Variants in COL27A1 observed in about 807,000 individuals in gnomAD.
COL27A1 encodes collagen alpha-1(XXVII) chain.
COL27A1 carries 106 observed loss-of-function variants against 251.3 expected under a neutral mutation model. The observed-to-expected ratio is 0.42, with a 90% confidence interval of 0.36 to 0.50. The LOEUF (loss-of-function observed/expected upper bound fraction) is 0.50. COL27A1 is among the 20% of genes least tolerant of loss of function. COL27A1 has a pLI of 0.00. For missense variants in COL27A1, 2,325 were observed against 2,522.8 expected, an observed-to-expected ratio of 0.92 and a Z score of 1.68; for synonymous variants, 1,000 against 986.3, an observed-to-expected ratio of 1.01 and a Z score of -0.26.
chr9:114,264,499 C>T (rs966314423), intron 29 of COL27A1, 91 bp downstream of exon 29: 1 of 1,056,556 alleles, frequency 9.5e-7, no homozygotes, highest in African/African-American at 1.6e-5. Flanking sequence ...AACAATGCCC[C>T]TTAGGGACAA....
intron 3 of COL27A1, among the ~76,000 whole-genome samples, chr9:114,169,956 C>T (rs1297021854): frequency 6.6e-6 from 1 of 152,224 alleles, no homozygotes; most frequent in East Asian, 1.9e-4. Flanking sequence ...TTGGCACGTG[C>T]AGTGTTCTTT....
At chr9:114,221,458 C>T (rs1160349082) in intron 13 of COL27A1, among the ~76,000 whole-genome samples, 1 of 152,100 alleles carries the variant, frequency 6.6e-6, no homozygotes, top group Non-Finnish European at 1.5e-5. Flanking sequence ...TCCATTTCTT[C>T]CTCTCATTTG....
chr9:114,162,701 C>T lies in COL27A1; in HGVS notation c.63-14C>T, dbSNP rs767602032. 1 of 1,607,950 alleles carries T rather than the reference C, an allele frequency of 6.2e-7. No homozygotes were observed. Reference sequence around the variant, plus strand: ...AAGCTGATGCCGCCTCTGCTTGTGTCTCCTGGTCTCTAGGGGGTTTCTCTT... The same window carrying T: ...AAGCTGATGCCGCCTCTGCTTGTGTTTCCTGGTCTCTAGGGGGTTTCTCTT... On this transcript the variant is annotated splice_polypyrimidine_tract_variant and intron_variant, in intron 1 of 60. Coordinates refer to ENST00000356083, the MANE Select transcript of COL27A1 (RefSeq NM_032888.4).
intron 27 of COL27A1, among the ~76,000 whole-genome samples, chr9:114,255,758 T>C (rs1833874751): frequency 6.6e-6 from 1 of 152,162 alleles, no homozygotes; most frequent in African/African-American, 2.4e-5. Context: ...CTTGGATCTC[T>C]TGGGGTTCCT....
At chr9:114,251,821 C>G (rs1324705710) in intron 25 of COL27A1, among the ~76,000 whole-genome samples, 1 of 152,262 alleles carries the variant, frequency 6.6e-6, no homozygotes, top group Non-Finnish European at 1.5e-5. Context: ...GGCTCTGCCC[C>G]CAAGTGGGTC....
chr9:114,307,844 C>A (rs1588908138), intron 59 of COL27A1, 66 bp downstream of exon 59: 1 of 1,156,000 alleles, frequency 8.7e-7, no homozygotes, highest in Non-Finnish European at 1.3e-6. Context: ...CCCTGGGCCA[C>A]AACCAACCCA....
At chr9:114,300,229 GGAAAA>G in intron 50 of COL27A1, 106 bp downstream of exon 50, 2 of 1,213,894 alleles carry the variant, frequency 1.6e-6, no homozygotes, top group Non-Finnish European at 2.4e-6. Context: ...AACATTGGCT[GGAAAA>G]CAGCCAGAAT....
rs1829476737 is a variant in COL27A1, at chr9:114,311,965, A to G, written c.*1270A>G. ...TTAAATTCTGTAGAAACCCATTGTC[A>G]TTAGCTCCAAGTGTAAATTTGGGTC... On this transcript the variant is annotated 3_prime_UTR_variant, in exon 61 of 61. Transcript: ENST00000356083. The G allele has an allele frequency of 6.6e-6, 1 of 152,208 alleles. No individual in the cohort carries two copies. The highest frequency in any genetic ancestry group is 2.4e-5 in the African/African-American group (1 of 41,438). 9.4% of individuals were successfully genotyped at this position (152,208 alleles called of 1,614,324 possible). A position where few individuals can be genotyped will look rare whatever the true frequency, so the allele number is the denominator to read the frequency against.
chr9:114,211,165 C>G (rs1246985311), intron 12 of COL27A1, 139 bp downstream of exon 12: 30 of 896,252 alleles, frequency 3.3e-5, no homozygotes, highest in Non-Finnish European at 5.2e-5. Flanking sequence ...GTGGGGTTGT[C>G]TGGCCACAGG....
intron 12 of COL27A1, among the ~76,000 whole-genome samples, chr9:114,216,089 G>A (rs768864990): frequency 1.2e-4 from 19 of 152,208 alleles, no homozygotes; most frequent in South Asian, 2.1e-4. Context: ...GGCGAGGACC[G>A]TCCCTGTCCT....
Position 114,288,712 on chromosome 9 carries a change from G to A in COL27A1, c.4055G>A (p.Gly1352Asp). The change falls in exon 43 of 61, where the codon GGT (glycine) becomes GAT (aspartate). Residue 1352 changes from glycine to aspartate, a missense_variant. Gly to Asp is a moderately conservative substitution (Grantham distance 94, BLOSUM62 -1). Coordinates refer to ENST00000356083, the MANE Select transcript of COL27A1 (RefSeq NM_032888.4). ...PGPPGDRGPV[G>D]DRGDRGEPGD... is the part of the protein sequence containing the mutation. ...GTCTTTGTCATTCAGGGCCCTGTGG[G>A]TGATCGAGGAGACCGCGGGGAACCG... 6.2e-7 allele frequency: 1 copy of A among 1,610,660 alleles called. No individual in the cohort carries two copies. The highest frequency in any genetic ancestry group is 8.5e-7 in the Non-Finnish European group (1 of 1,177,350).
chr9:114,285,620 G>A (rs1240119286), intron 41 of COL27A1, among the ~76,000 whole-genome samples: 5 of 152,128 alleles, frequency 3.3e-5, no homozygotes, highest in South Asian at 2.1e-4. Flanking sequence ...CTGGCCCGGC[G>A]TGCTGCCCAG....
intron 1 of COL27A1, 121 bp downstream of exon 1, chr9:114,156,133 C>A (rs1848106811): frequency 2.4e-6 from 3 of 1,260,472 alleles, no homozygotes; most frequent in Admixed American, 3.2e-5. Flanking sequence ...CCCCTTCCTG[C>A]GCCCCCGCGA....
At chr9:114,273,012 C>A (rs1835246713) in intron 36 of COL27A1, 1 of 152,210 alleles carries the variant, frequency 6.6e-6, no homozygotes, top group Non-Finnish European at 1.5e-5. Context: ...TGAGCACTGG[C>A]AGATGTCTGA....
At position 114,275,649 on chromosome 9, in the gene COL27A1, C is replaced by A. The variant is rs996683362; in HGVS notation, c.3610-12C>A. 2 of 1,530,984 alleles carry A rather than the reference C, an allele frequency of 1.3e-6. No homozygotes were observed. Among genetic ancestry groups the A allele is most frequent in the Non-Finnish European group, 1.8e-6 (2 of 1,132,230 alleles). The allele number at this position is 1,530,984 out of a possible 1,614,324, so 94.8% of individuals were successfully genotyped here. The stretch of plus-strand genomic sequence containing the variant: ...CTCTCTCTCTCTCCCCTCTTCATGC[C>A]CTGCCACCCAGGGGGACAGGGGAGA... On this transcript the variant is annotated splice_polypyrimidine_tract_variant and intron_variant, in intron 36 of 60. Coordinates refer to ENST00000356083, the MANE Select transcript of COL27A1 (RefSeq NM_032888.4).
At chr9:114,226,009 C>T (rs1047164151) in intron 14 of COL27A1, among the ~76,000 whole-genome samples, 2 of 152,158 alleles carry the variant, frequency 1.3e-5, no homozygotes, top group Non-Finnish European at 2.9e-5. Context: ...TCCCTGCAGC[C>T]TCAGAGGTGA....
chr9:114,304,457 T>A (rs1208077224), intron 56 of COL27A1, 151 bp from the exon 57 acceptor site: 9 of 673,532 alleles, frequency 1.3e-5, no homozygotes, highest in Non-Finnish European at 2.4e-5. Context: ...CAGCTTTGAC[T>A]GTCTGCAAAG....
chr9:114,232,937 C>G (rs1807133), intron 16 of COL27A1, among the ~76,000 whole-genome samples: 108,687 of 152,024 alleles, frequency 0.71, 39,714 homozygotes, highest in South Asian at 0.86. Flanking sequence ...TGGGCGTGGT[C>G]GTGGGTGCCT....
At position 114,288,438 on chromosome 9, in the gene COL27A1, T is replaced by A. The variant is rs769418217; in HGVS notation, c.3988-17T>A. ...AGGAGCAGGCGGTTTGCCCTAAAGC[T>A]GGTTCTGTGTCCACAGGGGGAGCAG... On this transcript the variant is annotated splice_polypyrimidine_tract_variant and intron_variant, in intron 41 of 60. Transcript: ENST00000356083. 6.2e-7 allele frequency: 1 copy of A among 1,608,864 alleles called. No homozygotes were observed. The highest frequency in any genetic ancestry group is 8.5e-7 in the Non-Finnish European group (1 of 1,178,418).
Sources: gnomAD v4.1 joint callset for allele counts (sites outside exome capture counted in the v4.1 genomes callset) on GRCh38, gnomAD v4.1.1 for gene constraint, MANE v1.5 for transcripts, NCBI Gene and HGNC (gene_info 2026-07-23, HGNC 2026-07-21) for gene names.